Variants in ZNF407 observed in about 807,000 individuals in gnomAD.
ZNF407 encodes zinc finger protein 407.
Under a neutral mutation model 131.2 loss-of-function variants are expected in ZNF407, and 17 were observed. That is an observed-to-expected ratio of 0.13 (90% CI 0.09 to 0.19). ZNF407 has a LOEUF of 0.19. Ranked by LOEUF, ZNF407 falls within the 10% of genes least tolerant of loss-of-function variation. The probability of loss-of-function intolerance (pLI) is 1.00; values close to 1 mark genes in which losing one functional copy is unlikely to be tolerated. For synonymous variants in ZNF407, 1,156 were observed against 1,062.0 expected, an observed-to-expected ratio of 1.09 and a Z score of -1.72; for missense variants, 2,681 against 2,830.6, an observed-to-expected ratio of 0.95 and a Z score of 1.20.
At chr18:74,925,905 A>G (rs1194447466) in intron 8 of ZNF407, among the ~76,000 whole-genome samples, 3 of 152,330 alleles carry the variant, frequency 2.0e-5, no homozygotes, top group African/African-American at 7.2e-5. Context: ...ATTTCCTAAT[A>G]TAGATGTTAG....
intron 4 of ZNF407, among the ~76,000 whole-genome samples, chr18:74,820,600 C>G (rs1599175789): frequency 6.6e-6 from 1 of 152,188 alleles, no homozygotes; most frequent in East Asian, 1.9e-4. Context: ...AGTAGTTTAC[C>G]TATGCTCTTT....
At chr18:74,923,894 T>C (rs2145246303) in intron 8 of ZNF407, among the ~76,000 whole-genome samples, 1 of 152,306 alleles carries the variant, frequency 6.6e-6, no homozygotes, top group South Asian at 2.1e-4. Context: ...TCTTTTACTT[T>C]AGTATTTGTA....
Position 74,631,313 on chromosome 18 carries a change from G to T in ZNF407, c.294G>T (p.Glu98Asp). ...GTATTTGTAGATTAGAAACTTCTGA[G>T]AGCTCAGTCACAGAAGGGGGTATTG... ...KQGICRLETS[E>D]SSVTEGGIAL... The change falls in exon 2 of 9, where the codon GAG (glutamate) becomes GAT (aspartate). Residue 98 changes from glutamate (E) to aspartate (D), a missense_variant. By Grantham distance (45) the Glu-to-Asp change is conservative. Transcript: ENST00000299687. 1 of 1,614,006 alleles carries T rather than the reference G, an allele frequency of 6.2e-7. No homozygotes were observed. The highest frequency in any genetic ancestry group is 8.5e-7 in the Non-Finnish European group (1 of 1,179,890).
chr18:74,873,676 T>C lies in ZNF407; in HGVS notation c.4878-3521T>C, dbSNP rs186657983. ...CAGTGAGCAGTGATCATACCACTGC[T>C]CTCCAGCCTAGGTGACAGGGTAAGA... On this transcript the variant is annotated intron_variant, in intron 4 of 8. Coordinates refer to ENST00000299687, the MANE Select transcript of ZNF407 (RefSeq NM_017757.3). 3.3e-4 allele frequency among the ~76,000 whole-genome samples: 49 copies of C among 150,704 alleles called. 1 individual carries two copies. The highest frequency in any genetic ancestry group is 6.8e-4 in the Non-Finnish European group (46 of 67,756).
chr18:74,677,594 G>A (rs1403277223), intron 3 of ZNF407, among the ~76,000 whole-genome samples: 1 of 151,982 alleles, frequency 6.6e-6, no homozygotes, highest in African/African-American at 2.4e-5. Flanking sequence ...TCTGCACCTA[G>A]AATTTACATA....
intron 8 of ZNF407, among the ~76,000 whole-genome samples, chr18:74,994,535 GCAAA>G (rs1434060215): frequency 7.2e-5 from 11 of 152,228 alleles, no homozygotes; most frequent in Non-Finnish European, 1.5e-4. Flanking sequence ...CTTGTTTAAA[GCAAA>G]CAGTCAGGAA....
intron 3 of ZNF407, among the ~76,000 whole-genome samples, chr18:74,753,873 A>C (rs1275473607): frequency 1.3e-5 from 2 of 152,124 alleles, no homozygotes; most frequent in South Asian, 4.1e-4. Context: ...GGCCTCATAA[A>C]ATGAGTTAGG....
At chr18:74,691,515 T>A (rs1023356891) in intron 3 of ZNF407, among the ~76,000 whole-genome samples, 15 of 152,000 alleles carry the variant, frequency 9.9e-5, no homozygotes, top group African/African-American at 3.6e-4. Context: ...TTTGGCTTCA[T>A]TGAGTCTTCT....
In ZNF407 at chr18:75,048,845, G is replaced by A. The variant is rs892049412; in HGVS notation, c.5429-14305G>A. 1.6e-4 allele frequency among the ~76,000 whole-genome samples: 25 copies of A among 152,164 alleles called. No homozygotes were observed. The highest frequency in any genetic ancestry group is 5.9e-4 in the Admixed American group (9 of 15,290). ...CTGAAAAAATTAAATTGGAGGGTGG[G>A]AAGGGGCAGAAGGGGTGAGCAGGCA... On this transcript the variant is annotated intron_variant, in intron 8 of 8. Coordinates refer to ENST00000299687, the MANE Select transcript of ZNF407 (RefSeq NM_017757.3). This position sits in a 1 kb window ranked among gnomAD's most constrained non-coding sequence, Gnocchi z 4.1.
At chr18:74,649,598 G>A (rs2144706230) in intron 3 of ZNF407, among the ~76,000 whole-genome samples, 1 of 152,282 alleles carries the variant, frequency 6.6e-6, no homozygotes, top group African/African-American at 2.4e-5. Context: ...AACTTACACT[G>A]TTGCCTGGTC....
chr18:75,051,094 G>A (rs112548610), intron 8 of ZNF407, among the ~76,000 whole-genome samples: 14 of 152,110 alleles, frequency 9.2e-5, no homozygotes, highest in South Asian at 2.1e-4. Context: ...ATGAGCACAC[G>A]TATGGATAAT....
At chr18:74,844,522 T>C (rs2145135902) in intron 4 of ZNF407, among the ~76,000 whole-genome samples, 1 of 152,314 alleles carries the variant, frequency 6.6e-6, no homozygotes, top group Non-Finnish European at 1.5e-5. Context: ...AATAATGGCT[T>C]TTTAAATAGT....
At chr18:75,026,344 A>G (rs966985921) in intron 8 of ZNF407, among the ~76,000 whole-genome samples, 11 of 152,204 alleles carry the variant, frequency 7.2e-5, no homozygotes, top group African/African-American at 2.4e-4. Context: ...CCTTTATAAC[A>G]AAATCTTCTG....
chr18:74,831,924 G>T (rs1303603986), intron 4 of ZNF407, among the ~76,000 whole-genome samples: 3 of 152,182 alleles, frequency 2.0e-5, no homozygotes, highest in African/African-American at 7.2e-5. Flanking sequence ...TTTGCCACCT[G>T]CCCTGATCCT....
intron 3 of ZNF407, among the ~76,000 whole-genome samples, chr18:74,658,100 T>C (rs1187544335): frequency 7.0e-6 from 1 of 142,096 alleles, no homozygotes; most frequent in Non-Finnish European, 1.5e-5. Context: ...GAAGCAGCAG[T>C]TGTCTTTATT....
chr18:74,745,812 C>T (rs889234295), intron 3 of ZNF407, among the ~76,000 whole-genome samples: 8 of 152,116 alleles, frequency 5.3e-5, no homozygotes, highest in African/African-American at 1.7e-4. Context: ...TCTGTTGTAG[C>T]GTCTAACTCC....
At chr18:74,774,091 A>G (rs1969417807) in intron 3 of ZNF407, among the ~76,000 whole-genome samples, 2 of 152,218 alleles carry the variant, frequency 1.3e-5, no homozygotes, top group Admixed American at 1.3e-4. Context: ...AATTTTGGGA[A>G]AATTTGAGAA....
intron 3 of ZNF407, among the ~76,000 whole-genome samples, chr18:74,687,126 T>C (rs993293988): frequency 6.6e-6 from 1 of 152,086 alleles, no homozygotes; most frequent in African/African-American, 2.4e-5. Flanking sequence ...GATGGGAGGA[T>C]TGCTTGAGGC....
At chr18:74,937,067 T>C (rs1599253510) in intron 8 of ZNF407, among the ~76,000 whole-genome samples, 1 of 152,158 alleles carries the variant, frequency 6.6e-6, no homozygotes, top group African/African-American at 2.4e-5. Flanking sequence ...TCCCATGATA[T>C]AAGGTTGATA....
Sources: allele counts gnomAD v4.1 joint callset (sites outside exome capture counted in the v4.1 genomes callset), GRCh38; gene constraint gnomAD v4.1.1; non-coding constraint Gnocchi (gnomAD v3.1); transcripts MANE v1.5; gene names NCBI Gene and HGNC (gene_info 2026-07-23, HGNC 2026-07-21).